The following NOL4 variants were observed in gnomAD, a reference collection of about 807,000 sequenced individuals.
NOL4 encodes the protein nucleolar protein 4.
A neutral mutation model predicts 75.9 loss-of-function variants in NOL4; 17 were observed. The observed-to-expected ratio is 0.22, with a 90% CI of 0.15 to 0.34. NOL4 has a LOEUF of 0.34. NOL4 is among the 10% of genes least tolerant of loss of function. NOL4 has a pLI of 1.00. For missense variants in NOL4, 614 were observed against 793.5 expected (o/e 0.77, Z 2.72); for synonymous variants, 292 against 289.9 (o/e 1.01, Z -0.07).
intron 1 of NOL4, among the ~76,000 whole-genome samples, chr18:34,198,442 T>A (rs1259617437): frequency 3.3e-5 from 5 of 151,884 alleles, no homozygotes; most frequent in African/African-American, 4.8e-5. Flanking sequence ...TGATTTTTCT[T>A]TGATAGATGA....
intron 5 of NOL4, among the ~76,000 whole-genome samples, chr18:34,087,771 C>T (rs1302392291): frequency 7.9e-5 from 12 of 151,770 alleles, no homozygotes; most frequent in Non-Finnish European, 1.8e-4. Context: ...TACCTAGCCT[C>T]TGAATATGCT....
intron 1 of NOL4, among the ~76,000 whole-genome samples, chr18:34,136,735 A>C (rs1278211935): frequency 1.3e-5 from 2 of 152,162 alleles, no homozygotes; most frequent in Non-Finnish European, 2.9e-5. Flanking sequence ...ACTAGAAGAC[A>C]ATATAAACCT....
intron 4 of NOL4, among the ~76,000 whole-genome samples, chr18:34,097,196 T>G (rs2078826348): frequency 6.6e-6 from 1 of 152,206 alleles, no homozygotes; most frequent in Non-Finnish European, 1.5e-5. Flanking sequence ...AAATAATGTG[T>G]ATGCTATTCA....
At chr18:34,162,086 C>T (rs2031574862) in intron 1 of NOL4, among the ~76,000 whole-genome samples, 1 of 152,040 alleles carries the variant, frequency 6.6e-6, no homozygotes, top group South Asian at 2.1e-4. Flanking sequence ...TCATTTCTGC[C>T]CACGCTAAAT....
chr18:34,025,732 C>T (rs1162683464), intron 5 of NOL4, among the ~76,000 whole-genome samples: 1 of 152,072 alleles, frequency 6.6e-6, no homozygotes, highest in African/African-American at 2.4e-5. Flanking sequence ...GAATGAAAGG[C>T]TTTTTCTCTT....
chr18:34,143,809 G>C (rs1202595106), intron 1 of NOL4, among the ~76,000 whole-genome samples: 1 of 141,678 alleles, frequency 7.1e-6, no homozygotes, highest in Non-Finnish European at 1.5e-5. Context: ...AGGTTGCAGT[G>C]AGCCAAGATT....
chr18:34,106,757 C>T (rs1323916227), intron 2 of NOL4, among the ~76,000 whole-genome samples: 3 of 151,776 alleles, frequency 2.0e-5, no homozygotes, highest in South Asian at 2.1e-4. Flanking sequence ...TCTGTTTTTA[C>T]AGAGGGAATA....
chr18:34,139,301 T>C (rs545819310), intron 1 of NOL4, among the ~76,000 whole-genome samples: 2 of 152,234 alleles, frequency 1.3e-5, no homozygotes, highest in African/African-American at 4.8e-5. Context: ...TGAATCTGTC[T>C]GGTCCTGGAC....
intron 1 of NOL4, among the ~76,000 whole-genome samples, chr18:34,211,754 G>A (rs944361959): frequency 2.6e-5 from 4 of 151,862 alleles, no homozygotes; most frequent in East Asian, 3.9e-4. Context: ...TGGAACATAA[G>A]AGGCTATTGA....
At chr18:34,121,238 G>A (rs2080126595) in intron 2 of NOL4, 1 of 152,150 alleles carries the variant, frequency 6.6e-6, no homozygotes, top group Non-Finnish European at 1.5e-5. Context: ...ACTTACATGG[G>A]AGTGTGGAAA....
chr18:34,110,645 G>A (rs191007925), intron 2 of NOL4, among the ~76,000 whole-genome samples: 278 of 152,196 alleles, frequency 1.8e-3, no homozygotes, highest in Non-Finnish European at 2.9e-3. Context: ...GCCCACTTTT[G>A]TCACTTGTAT....
chr18:34,164,389 T>G (rs1157184223), intron 1 of NOL4, among the ~76,000 whole-genome samples: 1 of 151,660 alleles, frequency 6.6e-6, no homozygotes, highest in Admixed American at 6.6e-5. Flanking sequence ...TCAAACAAAT[T>G]TACAAGAAAA....
intron 9 of NOL4, among the ~76,000 whole-genome samples, chr18:33,940,202 G>C (rs890624568): frequency 1.4e-4 from 21 of 151,958 alleles, no homozygotes; most frequent in African/African-American, 4.8e-4. Context: ...CCATTATTGG[G>C]TATATACCCA....
At chr18:34,010,939 T>C (rs1176136977) in intron 6 of NOL4, among the ~76,000 whole-genome samples, 4 of 151,936 alleles carry the variant, frequency 2.6e-5, no homozygotes, top group Admixed American at 1.3e-4. Flanking sequence ...GAGTTTCTTG[T>C]ATATTTTGGT....
At position 34,129,889 on chromosome 18, in the gene NOL4, T is replaced by C. The variant is rs769272287; in HGVS notation, c.396A>G (p.Gln132=). 3 of 1,588,126 alleles carry C rather than the reference T, an allele frequency of 1.9e-6. No individual in the cohort carries two copies. Among genetic ancestry groups the C allele is most frequent in the Non-Finnish European group, 2.6e-6 (3 of 1,167,746 alleles). The stretch of plus-strand genomic sequence containing the variant: ...AACTTACTGCTTTGTAAGTTCTCTT[T>C]TGTCCAGCGTGTTTCCGAATTTGTT... ...NGEQIRKHAG[Q]KRTYKAISES... Residue 132 remains glutamine (Q), a synonymous_variant, in exon 2 of 11, where the codon CAA becomes CAG. Transcript: ENST00000261592.
chr18:34,213,708 T>C (rs937047510), intron 1 of NOL4, among the ~76,000 whole-genome samples: 1 of 152,216 alleles, frequency 6.6e-6, no homozygotes, highest in South Asian at 2.1e-4. Flanking sequence ...TGACATGGGA[T>C]GAGGCAGCAA....
At chr18:33,855,548 T>C (rs1357916125) in intron 10 of NOL4, among the ~76,000 whole-genome samples, 1 of 152,062 alleles carries the variant, frequency 6.6e-6, no homozygotes. Context: ...GATTTTGATA[T>C]CCAAGGTTAA....
chr18:34,222,854 G>A, intron 1 of NOL4, 136 bp downstream of exon 1: 1 of 1,156,444 alleles, frequency 8.6e-7, no homozygotes, highest in Non-Finnish European at 1.2e-6. Context: ...GACGACTTGG[G>A]GAGGGGGTTG....
At chr18:34,137,350 A>G (rs955485497) in intron 1 of NOL4, among the ~76,000 whole-genome samples, 1 of 152,204 alleles carries the variant, frequency 6.6e-6, no homozygotes. Context: ...GTGAAATGAC[A>G]TCTCATACAA....
Sources: allele counts gnomAD v4.1 joint callset (sites outside exome capture counted in the v4.1 genomes callset), GRCh38; gene constraint gnomAD v4.1.1; transcripts MANE v1.5; gene names NCBI Gene and HGNC (gene_info 2026-07-23, HGNC 2026-07-21).